PRKN: variants seen among roughly 807,000 people sequenced by gnomAD.
The protein encoded by PRKN is E3 ubiquitin-protein ligase parkin.
Under a neutral mutation model 59.5 loss-of-function variants are expected in PRKN, and 56 were observed. The observed-to-expected ratio is 0.94, with a 90% confidence interval of 0.76 to 1.18. PRKN has a LOEUF of 1.18. Among genes scored for constraint, PRKN ranks in the 50% most tolerant of loss-of-function variants. The pLI, the probability that PRKN is intolerant of heterozygous loss-of-function variation, is 0.00. For missense variants in PRKN, 657 were observed against 596.4 expected (o/e 1.10, Z -1.06); for synonymous variants, 250 against 222.1 (o/e 1.13, Z -1.12).
chr6:161,643,194 T>C (rs1438743814), intron 7 of PRKN, among the ~76,000 whole-genome samples: 1 of 152,190 alleles, frequency 6.6e-6, no homozygotes, highest in South Asian at 2.1e-4. Flanking sequence ...TCATTGATGG[T>C]TTCCTGGCTT....
At position 161,372,912 on chromosome 6, in the gene PRKN, C is replaced by A. The variant is rs1260016173; in HGVS notation, c.1168-12707G>T. ...TGGCAAGATCATAGCTCACTCTAGCCTGGAAATCCTGGGCTCTCGAGTAGC... is the reference window on the plus strand; with the variant it reads ...TGGCAAGATCATAGCTCACTCTAGCATGGAAATCCTGGGCTCTCGAGTAGC... On this transcript the variant is annotated intron_variant, in intron 10 of 11. Coordinates refer to ENST00000366898, the MANE Select transcript of PRKN (RefSeq NM_004562.3). This position sits in a 1 kb window ranked among gnomAD's most constrained non-coding sequence, Gnocchi z 4.2. Among the ~76,000 whole-genome samples, 1 of 150,946 alleles carries A rather than the reference C, an allele frequency of 6.6e-6. No individual in the cohort carries two copies. Among genetic ancestry groups the A allele is most frequent in the South Asian group, 2.1e-4 (1 of 4,756 alleles).
chr6:161,655,900 A>G (rs1398045893), intron 7 of PRKN, among the ~76,000 whole-genome samples: 3 of 139,204 alleles, frequency 2.2e-5, no homozygotes, highest in Non-Finnish European at 5.0e-5. Context: ...ACACACACAC[A>G]CACACACACA....
chr6:162,647,949 C>CAAAAA (rs398003250), intron 1 of PRKN, among the ~76,000 whole-genome samples: 3,255 of 75,644 alleles, frequency 0.043, 791 homozygotes, highest in Middle Eastern at 0.071. Context: ...GTCCACAGTG[C>CAAAAA]AAAAAAAAAA....
At chr6:161,741,640 A>G (rs531362136) in intron 7 of PRKN, among the ~76,000 whole-genome samples, 1 of 152,190 alleles carries the variant, frequency 6.6e-6, no homozygotes, top group African/African-American at 2.4e-5. Flanking sequence ...TGGGCAGTAA[A>G]CACACCACGA....
At chr6:162,073,903 G>A (rs1347241576) in intron 4 of PRKN, among the ~76,000 whole-genome samples, 3 of 152,156 alleles carry the variant, frequency 2.0e-5, no homozygotes, top group Non-Finnish European at 1.5e-5. Context: ...AAGTCACATG[G>A]AGAAATGCAA....
intron 9 of PRKN, among the ~76,000 whole-genome samples, chr6:161,489,425 T>C (rs1189343353): frequency 6.6e-6 from 1 of 151,970 alleles, no homozygotes; most frequent in African/African-American, 2.4e-5. Flanking sequence ...CCAGGCATGG[T>C]AGCACACACC....
intron 5 of PRKN, among the ~76,000 whole-genome samples, chr6:162,030,337 G>A (rs1441818984): frequency 1.3e-5 from 2 of 152,088 alleles, no homozygotes; most frequent in African/African-American, 4.8e-5. Context: ...GGAATTAGAG[G>A]TACTCTGAAT....
At chr6:162,652,894 T>A (rs901723064) in intron 1 of PRKN, among the ~76,000 whole-genome samples, 1 of 152,224 alleles carries the variant, frequency 6.6e-6, no homozygotes, top group Non-Finnish European at 1.5e-5. Flanking sequence ...TGCTTTTTCA[T>A]CAGTATTCTG....
At chr6:161,824,661 A>T (rs1444820524) in intron 6 of PRKN, among the ~76,000 whole-genome samples, 3 of 152,226 alleles carry the variant, frequency 2.0e-5, no homozygotes, top group African/African-American at 7.2e-5. Flanking sequence ...CAAGTGCTAT[A>T]TTCCAGTGAC....
At chr6:162,319,949 T>C (rs1782916066) in intron 2 of PRKN, among the ~76,000 whole-genome samples, 1 of 151,870 alleles carries the variant, frequency 6.6e-6, no homozygotes. Flanking sequence ...TAACTTCTCA[T>C]CATTCATCCT....
intron 2 of PRKN, among the ~76,000 whole-genome samples, chr6:162,320,519 C>T (rs1782972643): frequency 6.7e-6 from 1 of 148,314 alleles, no homozygotes; most frequent in Non-Finnish European, 1.5e-5. Context: ...ACATCATTAA[C>T]CATTAAGAAT....
chr6:161,830,279 T>C (rs568653076), intron 6 of PRKN, among the ~76,000 whole-genome samples: 2 of 149,514 alleles, frequency 1.3e-5, no homozygotes, highest in South Asian at 4.2e-4. Context: ...TGAGATGGAG[T>C]CTCGCTCTGT....
At chr6:161,867,067 C>T (rs1004534626) in intron 6 of PRKN, among the ~76,000 whole-genome samples, 1 of 152,174 alleles carries the variant, frequency 6.6e-6, no homozygotes, top group Non-Finnish European at 1.5e-5. Flanking sequence ...CTGAACCATG[C>T]ATTATTTTAG....
At position 161,456,966 on chromosome 6, in the gene PRKN, T is replaced by C. The variant is rs1789998844; in HGVS notation, c.1084-70089A>G. Among the ~76,000 whole-genome samples, 1 of 152,204 alleles carries C rather than the reference T, an allele frequency of 6.6e-6. No homozygotes were observed. Among genetic ancestry groups the C allele is most frequent in the African/African-American group, 2.4e-5 (1 of 41,466 alleles). On this transcript the variant is annotated intron_variant, in intron 9 of 11. Coordinates refer to ENST00000366898, the MANE Select transcript of PRKN (RefSeq NM_004562.3). The surrounding 1 kb of genome is among the most constrained non-coding windows in gnomAD (Gnocchi z 4.8). ...CAAACACTTGCCCTCTCAGAGCCTT[T>C]GCCTCCACTGTGGTCCTACCAGAGA...
intron 4 of PRKN, among the ~76,000 whole-genome samples, chr6:162,192,152 A>G (rs1185149080): frequency 6.6e-6 from 1 of 152,172 alleles, no homozygotes; most frequent in African/African-American, 2.4e-5. Flanking sequence ...TCTTATAAAT[A>G]TTTTAAAAAT....
At chr6:161,351,553 G>A (rs534713438) in intron 11 of PRKN, among the ~76,000 whole-genome samples, 3 of 152,026 alleles carry the variant, frequency 2.0e-5, no homozygotes, top group Non-Finnish European at 4.4e-5. Context: ...TCAAACTCCT[G>A]ACCTCAAGTC....
chr6:162,227,948 A>G (rs1201094624), intron 3 of PRKN, among the ~76,000 whole-genome samples: 1 of 149,654 alleles, frequency 6.7e-6, no homozygotes, highest in Non-Finnish European at 1.5e-5. Context: ...AAAAAAAAAA[A>G]ACTTAACTAC....
At chr6:162,649,279 T>A (rs757766209) in intron 1 of PRKN, among the ~76,000 whole-genome samples, 9 of 152,188 alleles carry the variant, frequency 5.9e-5, no homozygotes, top group Admixed American at 1.3e-4. Context: ...ATGGGGCTTA[T>A]AGTTTAGTGG....
chr6:162,597,646 C>G (rs1781542236), intron 1 of PRKN, among the ~76,000 whole-genome samples: 1 of 152,166 alleles, frequency 6.6e-6, no homozygotes, highest in South Asian at 2.1e-4. Flanking sequence ...AATGCACCCT[C>G]CAATCTTGAT....
Sources: allele counts gnomAD v4.1 joint callset (sites outside exome capture counted in the v4.1 genomes callset), GRCh38; gene constraint gnomAD v4.1.1; non-coding constraint Gnocchi (gnomAD v3.1); transcripts MANE v1.5; gene names NCBI Gene and HGNC (gene_info 2026-07-23, HGNC 2026-07-21).